The following ATXN1 variants were observed in gnomAD, a reference collection of about 807,000 sequenced individuals.
ATXN1 encodes the protein ataxin-1.
A neutral mutation model predicts 56.4 loss-of-function variants in ATXN1; 8 were observed. That is an observed-to-expected ratio of 0.14 (90% confidence interval 0.08 to 0.26). The LOEUF is 0.26. Among genes scored for constraint, ATXN1 ranks in the 10% least tolerant of loss-of-function variants. The pLI is 1.00. For synonymous variants in ATXN1, 514 were observed against 494.6 expected (o/e 1.04, Z -0.52); for missense variants, 987 against 1,106.5 (o/e 0.89, Z 1.53).
chr6:16,449,353 C>G (rs1432139948), intron 6 of ATXN1, among the ~76,000 whole-genome samples: 1 of 152,182 alleles, frequency 6.6e-6, no homozygotes. Context: ...TGGCATTAAA[C>G]TGTCAGACAT....
chr6:16,573,598 T>C (rs7770397), intron 4 of ATXN1, among the ~76,000 whole-genome samples: 14,105 of 152,198 alleles, frequency 0.093, 1,306 homozygotes, highest in African/African-American at 0.24. Flanking sequence ...GGGAACTCTG[T>C]GTCACCTCCT....
intron 6 of ATXN1, among the ~76,000 whole-genome samples, chr6:16,395,982 T>A (rs896633413): frequency 8.4e-6 from 1 of 119,254 alleles, no homozygotes; most frequent in Non-Finnish European, 1.6e-5. Flanking sequence ...GCCACTGCAC[T>A]CCAGCCTGGT....
chr6:16,302,417 A>C lies in ATXN1; in HGVS notation c.*3912T>G, dbSNP rs1760130961. ...CATCCCAAACTAAACTGGGTGAGTTAGGGAAAACGAAAAGTTGACCAACAT... is the reference window on the plus strand; with the variant it reads ...CATCCCAAACTAAACTGGGTGAGTTCGGGAAAACGAAAAGTTGACCAACAT... On this transcript the variant is annotated 3_prime_UTR_variant, in exon 8 of 8. Transcript: ENST00000436367. The C allele has an allele frequency of 6.6e-6, 1 of 152,666 alleles. No homozygotes were observed. Among genetic ancestry groups the C allele is most frequent in the Non-Finnish European group, 1.5e-5 (1 of 68,044 alleles). 9.5% of individuals were successfully genotyped at this position (152,666 alleles called of 1,614,324 possible).
intron 2 of ATXN1, among the ~76,000 whole-genome samples, chr6:16,679,542 T>C (rs1758770374): frequency 1.3e-5 from 2 of 152,236 alleles, no homozygotes; most frequent in Non-Finnish European, 2.9e-5. Flanking sequence ...AAGTCATATA[T>C]AGTCAAAATT....
At chr6:16,449,615 G>A (rs1051018584) in intron 6 of ATXN1, among the ~76,000 whole-genome samples, 8 of 152,104 alleles carry the variant, frequency 5.3e-5, no homozygotes, top group African/African-American at 1.7e-4. Context: ...CCTCCAAATC[G>A]CAGGCTTACC....
intron 1 of ATXN1, among the ~76,000 whole-genome samples, chr6:16,758,311 G>C (rs1445751859): frequency 1.3e-5 from 2 of 152,192 alleles, no homozygotes. Context: ...TGACTGCAAG[G>C]CCAAAGGCAC....
At position 16,377,276 on chromosome 6, in the gene ATXN1, C is replaced by G. The variant is rs543422357; in HGVS notation, c.-160-48806G>C. Reference sequence around the variant, plus strand: ...TTAGCAGTCCAAATGGACTAAGACACTGCCAAAAGCCAAAAATACATCCAC... The same window carrying G: ...TTAGCAGTCCAAATGGACTAAGACAGTGCCAAAAGCCAAAAATACATCCAC... On this transcript the variant is annotated intron_variant, in intron 6 of 7. Coordinates refer to ENST00000436367, the MANE Select transcript of ATXN1 (RefSeq NM_001128164.2). 1.7e-4 allele frequency among the ~76,000 whole-genome samples: 26 copies of G among 152,338 alleles called. No individual in the cohort carries two copies. In the South Asian group the frequency reaches 5.4e-3, roughly 32 times the overall value.
chr6:16,334,374 A>AT (rs1761064893), intron 6 of ATXN1, among the ~76,000 whole-genome samples: 1 of 152,126 alleles, frequency 6.6e-6, no homozygotes, highest in Admixed American at 6.5e-5. Flanking sequence ...TTGTTTGACT[A>AT]TACACTCAAT....
chr6:16,719,772 G>C (rs1367402316), intron 2 of ATXN1, among the ~76,000 whole-genome samples: 3 of 152,158 alleles, frequency 2.0e-5, no homozygotes, highest in African/African-American at 7.2e-5. Context: ...ACACAGAGGA[G>C]AAGGCCATGT....
chr6:16,679,938 G>C (rs1007358063), intron 2 of ATXN1, among the ~76,000 whole-genome samples: 1 of 152,170 alleles, frequency 6.6e-6, no homozygotes, highest in African/African-American at 2.4e-5. Context: ...AATATTAAGA[G>C]TAATTTTTAA....
intron 4 of ATXN1, among the ~76,000 whole-genome samples, chr6:16,561,721 T>A (rs1187060854): frequency 6.6e-6 from 1 of 152,192 alleles, no homozygotes; most frequent in Non-Finnish European, 1.5e-5. Context: ...GATGTGGTCC[T>A]GGAAAAGAAT....
At chr6:16,345,714 G>A (rs550929353) in intron 6 of ATXN1, among the ~76,000 whole-genome samples, 90 of 152,244 alleles carry the variant, frequency 5.9e-4, no homozygotes, top group African/African-American at 2.2e-3. Context: ...AGATGGCCCC[G>A]AGTTGTTTCC....
intron 6 of ATXN1, among the ~76,000 whole-genome samples, chr6:16,420,455 A>G (rs1363827035): frequency 6.6e-6 from 1 of 152,238 alleles, no homozygotes; most frequent in Non-Finnish European, 1.5e-5. Context: ...ATTAGACAAT[A>G]TAGAGTATTA....
At position 16,504,884 on chromosome 6, in the gene ATXN1, G is replaced by A. The variant is rs543793030; in HGVS notation, c.-299+17743C>T. On this transcript the variant is annotated intron_variant, in intron 5 of 7. Transcript: ENST00000436367. ...TCTTACGAGGCTCAGGAGTCCTCCTGGGGGAAAGAGCTGCAACACCTGCTA... is the reference window on the plus strand; with the variant it reads ...TCTTACGAGGCTCAGGAGTCCTCCTAGGGGAAAGAGCTGCAACACCTGCTA... Among the ~76,000 whole-genome samples the A allele has an allele frequency of 2.6e-5, 4 of 152,236 alleles. No homozygotes were observed. In the South Asian group the frequency reaches 8.3e-4, roughly 32 times the overall value.
intron 2 of ATXN1, among the ~76,000 whole-genome samples, chr6:16,744,759 C>A (rs1023311441): frequency 1.3e-5 from 2 of 152,178 alleles, no homozygotes; most frequent in African/African-American, 4.8e-5. Context: ...CACTCGCCAG[C>A]CTGGTGCAGA....
chr6:16,397,969 C>T (rs982257594), intron 6 of ATXN1, among the ~76,000 whole-genome samples: 1 of 152,140 alleles, frequency 6.6e-6, no homozygotes, highest in Non-Finnish European at 1.5e-5. Context: ...GGTGATCTGT[C>T]CAAGGCCACA....
intron 2 of ATXN1, among the ~76,000 whole-genome samples, chr6:16,710,421 T>A (rs1759498477): frequency 6.6e-6 from 1 of 152,126 alleles, no homozygotes; most frequent in Non-Finnish European, 1.5e-5. Context: ...CTAACAGGCT[T>A]TTTTGGGGGG....
intron 3 of ATXN1, among the ~76,000 whole-genome samples, chr6:16,616,546 T>A (rs1412848948): frequency 6.8e-6 from 1 of 146,078 alleles, no homozygotes; most frequent in Non-Finnish European, 1.5e-5. Flanking sequence ...TCTCAAAAAA[T>A]ATATATAATA....
In ATXN1 at chr6:16,506,200, G is replaced by T. The variant is rs1316498146; in HGVS notation, c.-299+16427C>A. Among the ~76,000 whole-genome samples the T allele has an allele frequency of 3.3e-5, 5 of 152,170 alleles. No homozygotes were observed. Among genetic ancestry groups the T allele is most frequent in the Non-Finnish European group, 5.9e-5 (4 of 68,034 alleles). ...GCACAGAAGTTTGGCCTTTTCGCTGGTGATTTATTTCCATTTGTTCACATG... is the reference window on the plus strand; with the variant it reads ...GCACAGAAGTTTGGCCTTTTCGCTGTTGATTTATTTCCATTTGTTCACATG... On this transcript the variant is annotated intron_variant, in intron 5 of 7. Transcript: ENST00000436367. The surrounding 1 kb of genome is among the most constrained non-coding windows in gnomAD (Gnocchi z 4.1).
Sources: gnomAD v4.1 joint callset for allele counts (sites outside exome capture counted in the v4.1 genomes callset) on GRCh38, gnomAD v4.1.1 for gene constraint, Gnocchi (gnomAD v3.1) non-coding constraint, MANE v1.5 for transcripts, NCBI Gene and HGNC (gene_info 2026-07-23, HGNC 2026-07-21) for gene names.